Variants in DGKB observed in about 807,000 individuals in gnomAD.
DGKB encodes diacylglycerol kinase beta.
A neutral mutation model predicts 114.3 loss-of-function variants in DGKB; 67 were observed. The observed-to-expected ratio is 0.59, with a 90% CI of 0.48 to 0.72. The LOEUF (loss-of-function observed/expected upper bound fraction) is 0.72, where lower values mean the gene tolerates loss of function less well. Ranked by LOEUF, DGKB falls within the 30% of genes least tolerant of loss-of-function variation. The probability of loss-of-function intolerance (pLI) is 0.00; values close to 1 mark genes in which losing one functional copy is unlikely to be tolerated. For synonymous variants in DGKB, 398 were observed against 323.1 expected (o/e 1.23, Z -2.49); for missense variants, 907 against 975.2 (o/e 0.93, Z 0.93).
intron 23 of DGKB, among the ~76,000 whole-genome samples, chr7:14,330,625 G>A (rs1042253885): frequency 3.3e-5 from 5 of 151,870 alleles, no homozygotes; most frequent in African/African-American, 7.2e-5. Flanking sequence ...AAATTTTACT[G>A]TTGAACAAGG....
intron 25 of DGKB, among the ~76,000 whole-genome samples, chr7:14,174,267 G>C (rs1781410889): frequency 6.6e-6 from 1 of 152,156 alleles, no homozygotes; most frequent in Admixed American, 6.6e-5. Context: ...CTATTTATTA[G>C]CTGTGTAGAA....
chr7:14,796,183 C>T (rs1410307858), intron 2 of DGKB, among the ~76,000 whole-genome samples: 1 of 152,104 alleles, frequency 6.6e-6, no homozygotes, highest in East Asian at 1.9e-4. Flanking sequence ...AGATAACTTG[C>T]TTTAAGAAGG....
At chr7:14,700,817 A>G (rs1463983441) in intron 7 of DGKB, among the ~76,000 whole-genome samples, 1 of 152,198 alleles carries the variant, frequency 6.6e-6, no homozygotes, top group Non-Finnish European at 1.5e-5. Flanking sequence ...GTTTTTAATA[A>G]TATTAAATAC....
intron 9 of DGKB, among the ~76,000 whole-genome samples, chr7:14,692,130 C>A (rs1822978428): frequency 6.6e-6 from 1 of 151,652 alleles, no homozygotes; most frequent in African/African-American, 2.4e-5. Flanking sequence ...TCACAAATAT[C>A]TATATTTATA....
At chr7:14,315,392 C>T (rs138801500) in intron 23 of DGKB, among the ~76,000 whole-genome samples, 77,751 of 145,044 alleles carry the variant, frequency 0.54, 21,828 homozygotes, top group South Asian at 0.68. Flanking sequence ...AAACCCATCT[C>T]ACGTGCAGAG....
intron 2 of DGKB, among the ~76,000 whole-genome samples, chr7:14,829,384 C>T (rs1846112834): frequency 6.6e-6 from 1 of 152,150 alleles, no homozygotes; most frequent in Non-Finnish European, 1.5e-5. Flanking sequence ...AGCCTACAGG[C>T]TGTCGGGAAA....
At chr7:14,357,735 C>A (rs144385277) in intron 21 of DGKB, among the ~76,000 whole-genome samples, 1 of 152,056 alleles carries the variant, frequency 6.6e-6, no homozygotes, top group South Asian at 2.1e-4. Flanking sequence ...TGGCTGATAC[C>A]GGTTGTTCCT....
chr7:14,228,645 T>C (rs1791214039), intron 23 of DGKB, among the ~76,000 whole-genome samples: 2 of 151,934 alleles, frequency 1.3e-5, no homozygotes, highest in African/African-American at 4.8e-5. Context: ...CCAAAACTAA[T>C]GGATGTGAGC....
rs888783060 is a variant in DGKB at position 14,188,460 on chromosome 7, A to G, written c.2123-10309T>C. On this transcript the variant is annotated intron_variant, in intron 23 of 25. Transcript: ENST00000402815. ...CGGATCACGAGGTCAGGAGATCGAG[A>G]CCATCCCGGCTAAAACGGTGAAACC... Among the ~76,000 whole-genome samples, 43 of 121,716 alleles carry G rather than the reference A, an allele frequency of 3.5e-4. 3 individuals carry two copies. Among genetic ancestry groups the G allele is most frequent in the African/African-American group, 1.2e-3 (42 of 34,418 alleles). The allele number at this position is 121,716 out of a possible 152,430, so 79.9% of individuals were successfully genotyped here.
At chr7:14,196,458 T>TC (rs1398691585) in intron 23 of DGKB, among the ~76,000 whole-genome samples, 2 of 151,988 alleles carry the variant, frequency 1.3e-5, no homozygotes, top group Non-Finnish European at 2.9e-5. Flanking sequence ...ATTTTTCTCC[T>TC]CCCCCCACAC....
At chr7:14,607,950 C>A (rs1804829105) in intron 16 of DGKB, among the ~76,000 whole-genome samples, 1 of 151,900 alleles carries the variant, frequency 6.6e-6, no homozygotes, top group Non-Finnish European at 1.5e-5. Context: ...TATCTATCCC[C>A]TATATGAAAC....
Position 14,449,313 on chromosome 7 carries a change from C to T in DGKB, c.1835+28848G>A, listed in dbSNP as rs903785940. Among the ~76,000 whole-genome samples the T allele has an allele frequency of 2.0e-5, 3 of 151,938 alleles. No homozygotes were observed. In the East Asian group the frequency reaches 5.8e-4, roughly 29 times the overall value. On this transcript the variant is annotated intron_variant, in intron 21 of 25. Coordinates refer to ENST00000402815, the MANE Select transcript of DGKB (RefSeq NM_001350709.2). ...CATGTTCTGTTTTACGTGGTGTTAA[C>T]TTTCTGTTTGTGTACCTTTGCATTT...
chr7:14,709,119 G>GA (rs1166586467), intron 6 of DGKB, among the ~76,000 whole-genome samples: 2 of 149,656 alleles, frequency 1.3e-5, no homozygotes, highest in Admixed American at 6.7e-5. Context: ...AAATTTACAA[G>GA]AAAAAATCAA....
chr7:14,205,828 A>T (rs945077896), intron 23 of DGKB, among the ~76,000 whole-genome samples: 1 of 152,008 alleles, frequency 6.6e-6, no homozygotes, highest in Non-Finnish European at 1.5e-5. Flanking sequence ...CTTACTACGT[A>T]TGGGAAGTAG....
At chr7:14,557,607 A>G (rs747500284) in intron 20 of DGKB, among the ~76,000 whole-genome samples, 101 of 152,132 alleles carry the variant, frequency 6.6e-4, no homozygotes, top group Middle Eastern at 6.8e-3. Flanking sequence ...CTTCATGGCT[A>G]TAATTTTGTC....
At chr7:14,672,362 T>G (rs1819101141) in intron 13 of DGKB, among the ~76,000 whole-genome samples, 1 of 152,142 alleles carries the variant, frequency 6.6e-6, no homozygotes, top group Non-Finnish European at 1.5e-5. Context: ...AGGTTCGTTC[T>G]TTTCATAGTT....
chr7:14,911,206 A>G (rs1783984497), intron 1 of DGKB, among the ~76,000 whole-genome samples: 1 of 152,042 alleles, frequency 6.6e-6, no homozygotes, highest in African/African-American at 2.4e-5. Flanking sequence ...TTATTTGCTT[A>G]TCTTTAGTTC....
At chr7:14,794,571 G>A (rs1841134759) in intron 2 of DGKB, among the ~76,000 whole-genome samples, 1 of 152,138 alleles carries the variant, frequency 6.6e-6, no homozygotes, top group African/African-American at 2.4e-5. Context: ...TGACTTAGGA[G>A]CTTCCATGTA....
chr7:14,683,103 CA>C (rs1229185325), intron 10 of DGKB, among the ~76,000 whole-genome samples: 1 of 152,138 alleles, frequency 6.6e-6, no homozygotes, highest in African/African-American at 2.4e-5. Flanking sequence ...AATCAGTCCT[CA>C]CTCAAATTTT....
Sources: gnomAD v4.1 joint callset for allele counts (sites outside exome capture counted in the v4.1 genomes callset) on GRCh38, gnomAD v4.1.1 for gene constraint, MANE v1.5 for transcripts, NCBI Gene and HGNC (gene_info 2026-07-23, HGNC 2026-07-21) for gene names.